The following ROBO1 variants were observed in gnomAD, a reference collection of about 807,000 sequenced individuals.
The protein encoded by ROBO1 is roundabout homolog 1.
ROBO1 carries 149 observed loss-of-function variants against 195.9 expected under a neutral mutation model. The observed-to-expected ratio is 0.76, with a 90% CI of 0.67 to 0.87. The LOEUF (loss-of-function observed/expected upper bound fraction) is 0.87, where lower values mean the gene tolerates loss of function less well. Ranked by LOEUF, ROBO1 falls within the 40% of genes least tolerant of loss-of-function variation. The probability of loss-of-function intolerance (pLI) is 0.00; values close to 1 mark genes in which losing one functional copy is unlikely to be tolerated. For synonymous variants in ROBO1, 816 were observed against 733.2 expected, an observed-to-expected ratio of 1.11 and a Z score of -1.82; for missense variants, 1,933 against 2,068.3, an observed-to-expected ratio of 0.93 and a Z score of 1.27.
At chr3:79,117,847 A>G (rs2080036234) in intron 3 of ROBO1, among the ~76,000 whole-genome samples, 1 of 152,234 alleles carries the variant, frequency 6.6e-6, no homozygotes, top group Admixed American at 6.5e-5. Context: ...AATAAGTACA[A>G]GGAGAAAAAT....
chr3:78,961,255 A>T (rs1167047810), intron 3 of ROBO1, among the ~76,000 whole-genome samples: 3 of 152,144 alleles, frequency 2.0e-5, no homozygotes, highest in Non-Finnish European at 2.9e-5. Context: ...TACAAAAAAA[A>T]TTTGAAAAGA....
chr3:79,287,775 A>T (rs1197195812), intron 2 of ROBO1, among the ~76,000 whole-genome samples: 3 of 152,202 alleles, frequency 2.0e-5, no homozygotes, highest in African/African-American at 4.8e-5. Context: ...AAAGGGGAAA[A>T]TTTAAATATA....
At chr3:79,686,212 G>C (rs1482322965) in intron 1 of ROBO1, among the ~76,000 whole-genome samples, 1 of 152,082 alleles carries the variant, frequency 6.6e-6, no homozygotes, top group Admixed American at 6.6e-5. Flanking sequence ...GTATTGATGG[G>C]ACATATCTCA....
chr3:79,744,386 G>T (rs2107442921), intron 1 of ROBO1, among the ~76,000 whole-genome samples: 1 of 152,214 alleles, frequency 6.6e-6, no homozygotes, highest in Admixed American at 6.5e-5. Context: ...GCAATGGAAT[G>T]AATAATTGTG....
intron 4 of ROBO1, among the ~76,000 whole-genome samples, chr3:78,881,704 CCCGTGGCCTGATA>C (rs1260540421): frequency 7.9e-5 from 12 of 152,130 alleles, no homozygotes; most frequent in African/African-American, 2.9e-4. Flanking sequence ...CTGCATCAGG[CCCGTGGCCTGATA>C]CAGCAACACT....
At chr3:79,175,989 C>T (rs2081256309) in intron 2 of ROBO1, among the ~76,000 whole-genome samples, 1 of 152,194 alleles carries the variant, frequency 6.6e-6, no homozygotes, top group Non-Finnish European at 1.5e-5. Flanking sequence ...CCTCCACTTT[C>T]ATACTCAACC....
At chr3:78,888,753 T>C (rs141757391) in intron 4 of ROBO1, among the ~76,000 whole-genome samples, 11 of 152,276 alleles carry the variant, frequency 7.2e-5, no homozygotes, top group African/African-American at 1.9e-4. Flanking sequence ...AAATGAGTCC[T>C]GGCTCTGTTT....
At chr3:79,125,207 A>T (rs1342258009) in intron 3 of ROBO1, among the ~76,000 whole-genome samples, 1 of 152,234 alleles carries the variant, frequency 6.6e-6, no homozygotes, top group Non-Finnish European at 1.5e-5. Context: ...CAGATTGATA[A>T]GCATTCTTTT....
chr3:79,203,962 T>G (rs2081816535), intron 2 of ROBO1, among the ~76,000 whole-genome samples: 1 of 152,222 alleles, frequency 6.6e-6, no homozygotes, highest in South Asian at 2.1e-4. Flanking sequence ...TCCTTTTATT[T>G]TCATTTCTTA....
intron 2 of ROBO1, among the ~76,000 whole-genome samples, chr3:79,468,378 GAAGTT>G (rs983287399): frequency 1.3e-5 from 2 of 152,196 alleles, no homozygotes; most frequent in African/African-American, 4.8e-5. Flanking sequence ...GAGGCACAGG[GAAGTT>G]AAGTGGCTTT....
chr3:79,200,482 A>G (rs1472275085), intron 2 of ROBO1, among the ~76,000 whole-genome samples: 1 of 151,782 alleles, frequency 6.6e-6, no homozygotes, highest in East Asian at 1.9e-4. Flanking sequence ...TATAACATCA[A>G]TCTAGATGTA....
chr3:79,532,247 C>T (rs1941689553), intron 2 of ROBO1, among the ~76,000 whole-genome samples: 1 of 151,952 alleles, frequency 6.6e-6, no homozygotes, highest in Non-Finnish European at 1.5e-5. Flanking sequence ...ATCACTAAGT[C>T]CACGTAAAGT....
intron 2 of ROBO1, among the ~76,000 whole-genome samples, chr3:79,307,798 G>C (rs540196528): frequency 6.6e-6 from 1 of 151,992 alleles, no homozygotes; most frequent in Non-Finnish European, 1.5e-5. Context: ...TCCATTTAGA[G>C]AATTGATTCA....
chr3:78,600,239 G>A lies in ROBO1; in HGVS notation c.4815C>T (p.Ser1605=), dbSNP rs1178919329. 2.5e-6 allele frequency: 4 copies of A among 1,613,150 alleles called. No individual in the cohort carries two copies. The highest frequency in any genetic ancestry group is 3.4e-6 in the Non-Finnish European group (4 of 1,179,356). ...TTCCTGATCCTCTTGATGACATTGAGCTTGAGGAACTGGGATCTCTGGGAT... is the reference window on the plus strand; with the variant it reads ...TTCCTGATCCTCTTGATGACATTGAACTTGAGGAACTGGGATCTCTGGGAT... ...SNNPRDPSSS[S]SMSSRGSGSR... Residue 1605 remains serine, a synonymous_variant, in exon 30 of 31, where the codon AGC becomes AGT. Coordinates refer to ENST00000464233, the MANE Select transcript of ROBO1 (RefSeq NM_002941.4).
At chr3:79,416,898 G>T (rs1268267367) in intron 2 of ROBO1, among the ~76,000 whole-genome samples, 1 of 152,100 alleles carries the variant, frequency 6.6e-6, no homozygotes, top group Non-Finnish European at 1.5e-5. Flanking sequence ...CACAAACATT[G>T]CCTCCATTAA....
At chr3:78,810,086 T>C (rs2084687697) in intron 4 of ROBO1, among the ~76,000 whole-genome samples, 2 of 151,988 alleles carry the variant, frequency 1.3e-5, no homozygotes, top group African/African-American at 4.8e-5. Flanking sequence ...TGCAAGAAAA[T>C]TTGGACGCAA....
chr3:79,637,612 A>T (rs1369415813), intron 1 of ROBO1, among the ~76,000 whole-genome samples: 1 of 152,032 alleles, frequency 6.6e-6, no homozygotes, highest in Non-Finnish European at 1.5e-5. Flanking sequence ...TTTTGGAGTT[A>T]CTCTATCTTA....
intron 1 of ROBO1, among the ~76,000 whole-genome samples, chr3:79,647,191 AT>A (rs1171913327): frequency 6.6e-6 from 1 of 152,114 alleles, no homozygotes; most frequent in Non-Finnish European, 1.5e-5. Flanking sequence ...TGCCCAGAAA[AT>A]ATGTACATCT....
intron 2 of ROBO1, among the ~76,000 whole-genome samples, chr3:79,349,621 T>C (rs2035263363): frequency 6.6e-6 from 1 of 152,174 alleles, no homozygotes; most frequent in African/African-American, 2.4e-5. Flanking sequence ...ATAGGCTAGA[T>C]GGATTAGTGA....
Sources: allele counts gnomAD v4.1 joint callset (sites outside exome capture counted in the v4.1 genomes callset), GRCh38; gene constraint gnomAD v4.1.1; transcripts MANE v1.5; gene names NCBI Gene and HGNC (gene_info 2026-07-23, HGNC 2026-07-21).